KIAA1217: variants seen among roughly 807,000 people sequenced by gnomAD.
The protein encoded by KIAA1217 is KIAA1217.
Under a neutral mutation model 163.9 loss-of-function variants are expected in KIAA1217, and 88 were observed. The observed-to-expected ratio is 0.54, with a 90% confidence interval of 0.45 to 0.64. The LOEUF is 0.64. Ranked by LOEUF, KIAA1217 falls within the 30% of genes least tolerant of loss-of-function variation. KIAA1217 has a pLI of 0.00. For missense variants in KIAA1217, 2,372 were observed against 2,475.0 expected (o/e 0.96, Z 0.88); for synonymous variants, 903 against 923.1 (o/e 0.98, Z 0.39).
At position 24,543,821 on chromosome 10, in the gene KIAA1217, G is replaced by A. The variant is rs752717514; in HGVS notation, c.4551G>A (p.Val1517=). The change falls in exon 19 of 21, where the codon GTG becomes GTA. Residue 1517 remains valine (V), a synonymous_variant. Transcript: ENST00000376454. ...GCAATCTTAGAACCGGACAACAGGT[G>A]GAAACAAAGTCACAGCCACACTCCC... ...APGNLRTGQQ[V]ETKSQPHSLA... 1 of 1,613,942 alleles carries A rather than the reference G, an allele frequency of 6.2e-7. No individual in the cohort carries two copies. The highest frequency in any genetic ancestry group is 8.5e-7 in the Non-Finnish European group (1 of 1,179,988).
chr10:23,872,089 C>T (rs142828297), intron 1 of KIAA1217, among the ~76,000 whole-genome samples: 58 of 152,108 alleles, frequency 3.8e-4, no homozygotes, highest in African/African-American at 1.2e-3. Flanking sequence ...AAAAACACTC[C>T]GCTCCCCACA....
intron 2 of KIAA1217, among the ~76,000 whole-genome samples, chr10:24,279,064 T>C (rs1590522229): frequency 6.6e-6 from 1 of 152,026 alleles, no homozygotes; most frequent in South Asian, 2.1e-4. Context: ...GGTCTTGAAC[T>C]CCCAACCTCA....
At chr10:24,149,189 GT>G (rs1467388551) in intron 2 of KIAA1217, among the ~76,000 whole-genome samples, 1 of 151,864 alleles carries the variant, frequency 6.6e-6, no homozygotes, top group Non-Finnish European at 1.5e-5. Flanking sequence ...TATGTTTTTT[GT>G]TTTTTTAAAG....
intron 2 of KIAA1217, among the ~76,000 whole-genome samples, chr10:24,087,689 G>A (rs1251710732): frequency 6.6e-6 from 1 of 152,212 alleles, no homozygotes; most frequent in Non-Finnish European, 1.5e-5. Context: ...CATTTGCAAA[G>A]GCCATTTGTA....
intron 2 of KIAA1217, among the ~76,000 whole-genome samples, chr10:24,047,919 T>C (rs1431003030): frequency 6.6e-6 from 1 of 152,188 alleles, no homozygotes; most frequent in Non-Finnish European, 1.5e-5. Context: ...GCACTCAGTG[T>C]ATGGCTTTTT....
chr10:24,546,561 A>G lies in KIAA1217; in HGVS notation c.*237A>G. The G allele has an allele frequency of 2.3e-6, 1 of 438,192 alleles. No individual in the cohort carries two copies. Among genetic ancestry groups the G allele is most frequent in the South Asian group, 4.8e-5 (1 of 20,826 alleles). The allele number at this position is 438,192 out of a possible 1,614,324, so 27.1% of individuals were successfully genotyped here. Reference sequence around the variant, plus strand: ...ATACTCAATACCTATAAAATGCAGTAAGCATGTGTTACAGAAAGAGGTTCT... The same window carrying G: ...ATACTCAATACCTATAAAATGCAGTGAGCATGTGTTACAGAAAGAGGTTCT... On this transcript the variant is annotated 3_prime_UTR_variant, in exon 21 of 21. Transcript: ENST00000376454.
intron 3 of KIAA1217, among the ~76,000 whole-genome samples, chr10:24,389,325 C>G (rs1486449527): frequency 6.6e-6 from 1 of 151,976 alleles, no homozygotes; most frequent in Non-Finnish European, 1.5e-5. Context: ...ACCACATGTT[C>G]TCACTCATAG....
chr10:24,158,107 T>C (rs1023930921), intron 2 of KIAA1217: 16 of 754,872 alleles, frequency 2.1e-5, no homozygotes, highest in Admixed American at 6.9e-5. Context: ...AAGTTAGAAG[T>C]ATATATGATG....
chr10:23,823,500 A>G (rs183157074), intron 1 of KIAA1217, among the ~76,000 whole-genome samples: 1 of 152,160 alleles, frequency 6.6e-6, no homozygotes, highest in Admixed American at 6.6e-5. Flanking sequence ...TGTAAGTGGA[A>G]TGGGCTCACC....
chr10:23,774,783 G>A (rs1834940571), intron 1 of KIAA1217, among the ~76,000 whole-genome samples: 1 of 152,172 alleles, frequency 6.6e-6, no homozygotes, highest in Admixed American at 6.5e-5. Context: ...GGGACTCTGA[G>A]GGGTCCAAGA....
chr10:23,797,138 A>G (rs1836245892), intron 1 of KIAA1217, among the ~76,000 whole-genome samples: 1 of 152,180 alleles, frequency 6.6e-6, no homozygotes, highest in African/African-American at 2.4e-5. Flanking sequence ...TGTATATTTT[A>G]ATACAAATAT....
chr10:24,235,504 C>G (rs11013986), intron 2 of KIAA1217, among the ~76,000 whole-genome samples: 1 of 151,998 alleles, frequency 6.6e-6, no homozygotes, highest in African/African-American at 2.4e-5. Flanking sequence ...GTGTTGTTTT[C>G]TACCTTTTTC....
At chr10:23,746,095 A>G (rs1207934675) in intron 1 of KIAA1217, among the ~76,000 whole-genome samples, 1 of 152,188 alleles carries the variant, frequency 6.6e-6, no homozygotes, top group Non-Finnish European at 1.5e-5. Flanking sequence ...GTGGAGCCTA[A>G]GAGGAGATGT....
At chr10:24,099,747 ATCCC>A in intron 2 of KIAA1217, among the ~76,000 whole-genome samples, 1 of 28,152 alleles carries the variant, frequency 3.6e-5, no homozygotes, top group Non-Finnish European at 7.0e-5. Context: ...CCCTCCCCCC[ATCCC>A]ACAACAGTCC....
At chr10:23,824,532 G>T (rs1341104322) in intron 1 of KIAA1217, among the ~76,000 whole-genome samples, 4 of 146,064 alleles carry the variant, frequency 2.7e-5, no homozygotes, top group Non-Finnish European at 6.0e-5. Context: ...GGAGGCTGAG[G>T]CAGGAGAATT....
chr10:24,085,574 G>T (rs2061671428), intron 2 of KIAA1217, among the ~76,000 whole-genome samples: 1 of 152,018 alleles, frequency 6.6e-6, no homozygotes. Flanking sequence ...TCATCATGGT[G>T]CCCAGGAATA....
intron 1 of KIAA1217, among the ~76,000 whole-genome samples, chr10:23,944,001 T>C (rs1456249900): frequency 6.6e-6 from 1 of 152,200 alleles, no homozygotes; most frequent in Non-Finnish European, 1.5e-5. Context: ...GTCAATCTCC[T>C]TACTAAACTG....
chr10:23,703,221 G>C (rs1836604031), intron 1 of KIAA1217, among the ~76,000 whole-genome samples: 2 of 152,180 alleles, frequency 1.3e-5, no homozygotes, highest in Non-Finnish European at 2.9e-5. Context: ...TCACCTATAT[G>C]TATAGAGCAG....
intron 2 of KIAA1217, among the ~76,000 whole-genome samples, chr10:24,343,662 CT>C (rs1167648424): frequency 2.6e-5 from 4 of 152,144 alleles, no homozygotes; most frequent in African/African-American, 4.8e-5. Flanking sequence ...CTTCCCTGTC[CT>C]AATATTACAT....
Sources: allele counts gnomAD v4.1 joint callset (sites outside exome capture counted in the v4.1 genomes callset), GRCh38; gene constraint gnomAD v4.1.1; transcripts MANE v1.5; gene names NCBI Gene and HGNC (gene_info 2026-07-23, HGNC 2026-07-21).